SEMA5A: variants seen among roughly 807,000 people sequenced by gnomAD.
SEMA5A encodes semaphorin 5A.
SEMA5A carries 55 observed loss-of-function variants against 135.5 expected under a neutral mutation model. The ratio of observed to expected loss-of-function variants is 0.41; its 90% CI spans 0.33 to 0.51. The LOEUF (loss-of-function observed/expected upper bound fraction) is 0.51. Among genes scored for constraint, SEMA5A ranks in the 20% least tolerant of loss-of-function variants. The pLI is 0.37. For missense variants in SEMA5A, 1,290 were observed against 1,419.9 expected, an observed-to-expected ratio of 0.91 and a Z score of 1.47; for synonymous variants, 580 against 546.5, an observed-to-expected ratio of 1.06 and a Z score of -0.85.
chr5:9,324,074 AT>A (rs200695024), intron 4 of SEMA5A, among the ~76,000 whole-genome samples: 3 of 147,852 alleles, frequency 2.0e-5, no homozygotes, highest in African/African-American at 5.1e-5. Flanking sequence ...ATTTTATTTT[AT>A]TTTTTTTTTT....
chr5:9,282,023 G>A (rs934614174), intron 5 of SEMA5A, among the ~76,000 whole-genome samples: 25 of 151,922 alleles, frequency 1.6e-4, no homozygotes, highest in African/African-American at 5.8e-4. Context: ...ATCTTGGCCA[G>A]GCTGGTCTTG....
chr5:9,114,964 C>T (rs1042393240), intron 15 of SEMA5A, among the ~76,000 whole-genome samples: 2 of 152,192 alleles, frequency 1.3e-5, no homozygotes, highest in Non-Finnish European at 2.9e-5. Context: ...GTGTGCCTCA[C>T]AGATCCTCTC....
chr5:9,339,215 G>A (rs865903760), intron 3 of SEMA5A, among the ~76,000 whole-genome samples: 3 of 152,124 alleles, frequency 2.0e-5, no homozygotes, highest in Admixed American at 6.5e-5. Context: ...TTTAAACAGG[G>A]TGTCTATCAA....
At chr5:9,432,445 A>G (rs542038325) in intron 2 of SEMA5A, among the ~76,000 whole-genome samples, 40 of 152,298 alleles carry the variant, frequency 2.6e-4, no homozygotes, top group African/African-American at 9.1e-4. Context: ...GCAACTCAGC[A>G]AGCACTTTTT....
rs1453646229 is a variant in SEMA5A at position 9,276,386 on chromosome 5, A to G, written c.271-38496T>C. On this transcript the variant is annotated intron_variant, in intron 5 of 22. Coordinates refer to ENST00000382496, the MANE Select transcript of SEMA5A (RefSeq NM_003966.3). Reference sequence around the variant, plus strand: ...TATTGTGAAAATGGCCATACTGCCCAAAGTAATTTATAGATTTAAAGCTAT... The same window carrying G: ...TATTGTGAAAATGGCCATACTGCCCGAAGTAATTTATAGATTTAAAGCTAT... 5.9e-5 allele frequency among the ~76,000 whole-genome samples: 9 copies of G among 152,356 alleles called. No individual in the cohort carries two copies. In the South Asian group the frequency reaches 1.2e-3, roughly 21 times the overall value.
intron 1 of SEMA5A, among the ~76,000 whole-genome samples, chr5:9,500,567 T>C (rs976921159): frequency 1.3e-5 from 2 of 152,168 alleles, no homozygotes; most frequent in African/African-American, 4.8e-5. Flanking sequence ...TCCATGCTGA[T>C]GTCACACAAT....
At chr5:9,268,116 T>C (rs1749777705) in intron 5 of SEMA5A, among the ~76,000 whole-genome samples, 1 of 152,130 alleles carries the variant, frequency 6.6e-6, no homozygotes, top group African/African-American at 2.4e-5. Context: ...TTGGTTCTTG[T>C]TGTTCTTGTA....
chr5:9,425,961 C>T (rs1757632744), intron 2 of SEMA5A, among the ~76,000 whole-genome samples: 1 of 152,140 alleles, frequency 6.6e-6, no homozygotes, highest in South Asian at 2.1e-4. Context: ...GTTCACTCAC[C>T]TTTAAATGGG....
rs555588136 is a variant in SEMA5A, at chr5:9,177,148, A to C, written c.1273+13119T>G. On this transcript the variant is annotated intron_variant, in intron 11 of 22. Coordinates refer to ENST00000382496, the MANE Select transcript of SEMA5A (RefSeq NM_003966.3). ...GAGGAGCAGGAGCAGCAGTGATCAC[A>C]GTTGATTCATTGGAGTGACAGTACT... 7.9e-5 allele frequency among the ~76,000 whole-genome samples: 12 copies of C among 152,324 alleles called. No homozygotes were observed. In the South Asian group the frequency reaches 2.3e-3, roughly 29 times the overall value.
At chr5:9,349,671 G>C (rs1163173236) in intron 3 of SEMA5A, among the ~76,000 whole-genome samples, 1 of 152,064 alleles carries the variant, frequency 6.6e-6, no homozygotes, top group Non-Finnish European at 1.5e-5. Context: ...AGGCTGAGGA[G>C]GGTGGTTCAC....
intron 5 of SEMA5A, among the ~76,000 whole-genome samples, chr5:9,253,671 G>A (rs79272339): frequency 0.01 from 1,535 of 152,072 alleles, 21 homozygotes; most frequent in African/African-American, 0.031. Flanking sequence ...ATAGTGTTTC[G>A]TTATCCAATT....
chr5:9,049,611 G>A (rs560415601), intron 21 of SEMA5A, among the ~76,000 whole-genome samples: 3 of 152,302 alleles, frequency 2.0e-5, no homozygotes, highest in South Asian at 2.1e-4. Context: ...CCTGTGGAAC[G>A]GATTAGGGGA....
chr5:9,427,082 G>A (rs1213157713), intron 2 of SEMA5A, among the ~76,000 whole-genome samples: 1 of 152,204 alleles, frequency 6.6e-6, no homozygotes, highest in Non-Finnish European at 1.5e-5. Flanking sequence ...GGAGGCTGAG[G>A]CGGGTGTATC....
At chr5:9,227,650 A>T (rs890775975) in intron 6 of SEMA5A, among the ~76,000 whole-genome samples, 1 of 147,644 alleles carries the variant, frequency 6.8e-6, no homozygotes, top group African/African-American at 2.5e-5. Flanking sequence ...TCCCAGGTTC[A>T]TGCCATTCTC....
intron 11 of SEMA5A, among the ~76,000 whole-genome samples, chr5:9,160,535 C>A (rs757692973): frequency 2.6e-5 from 4 of 152,154 alleles, no homozygotes; most frequent in Non-Finnish European, 5.9e-5. Flanking sequence ...ATGCTGTCAC[C>A]AGACCAACTC....
At chr5:9,535,953 G>C (rs983117785) in intron 1 of SEMA5A, among the ~76,000 whole-genome samples, 1 of 152,112 alleles carries the variant, frequency 6.6e-6, no homozygotes, top group African/African-American at 2.4e-5. Context: ...ACTTAGATGT[G>C]GTCCTGTCTA....
chr5:9,270,513 C>T (rs534396076), intron 5 of SEMA5A, among the ~76,000 whole-genome samples: 52 of 152,172 alleles, frequency 3.4e-4, no homozygotes, highest in African/African-American at 1.1e-3. Context: ...AATAACAACT[C>T]TTTCTAGATT....
intron 1 of SEMA5A, among the ~76,000 whole-genome samples, chr5:9,458,028 C>T (rs1758910235): frequency 6.6e-6 from 1 of 151,388 alleles, no homozygotes; most frequent in South Asian, 2.1e-4. Context: ...CTGCCTCAGC[C>T]TCCCCAGTAG....
At chr5:9,429,068 G>T (rs1170936013) in intron 2 of SEMA5A, among the ~76,000 whole-genome samples, 1 of 152,154 alleles carries the variant, frequency 6.6e-6, no homozygotes, top group Non-Finnish European at 1.5e-5. Context: ...GGACACAGAG[G>T]GGGTGTGACT....
Sources: gnomAD v4.1 joint callset for allele counts (sites outside exome capture counted in the v4.1 genomes callset) on GRCh38, gnomAD v4.1.1 for gene constraint, MANE v1.5 for transcripts, NCBI Gene and HGNC (gene_info 2026-07-23, HGNC 2026-07-21) for gene names.